SPON1: variants seen among roughly 807,000 people sequenced by gnomAD.
SPON1 encodes spondin 1.
SPON1 carries 52 observed loss-of-function variants against 111.7 expected under a neutral mutation model. The ratio of observed to expected loss-of-function variants is 0.47; its 90% CI spans 0.37 to 0.59. The LOEUF (loss-of-function observed/expected upper bound fraction) is 0.59. Ranked by LOEUF, SPON1 falls within the 20% of genes least tolerant of loss-of-function variation. The pLI, the probability that SPON1 is intolerant of heterozygous loss-of-function variation, is 0.00. For missense variants in SPON1, 957 were observed against 1,068.5 expected, an observed-to-expected ratio of 0.90 and a Z score of 1.46; for synonymous variants, 410 against 395.8, an observed-to-expected ratio of 1.04 and a Z score of -0.43.
chr11:14,023,482 T>C (rs1051830465), intron 2 of SPON1, among the ~76,000 whole-genome samples: 6 of 152,174 alleles, frequency 3.9e-5, no homozygotes, highest in South Asian at 4.1e-4. Flanking sequence ...AAGTTCCCTC[T>C]CTTCGTGCTA....
chr11:14,239,205 T>C (rs556300753), intron 6 of SPON1, among the ~76,000 whole-genome samples: 3 of 152,272 alleles, frequency 2.0e-5, no homozygotes, highest in East Asian at 3.9e-4. Context: ...TGTGCTCCAG[T>C]CTCTGTACTC....
At chr11:14,241,750 T>C (rs1848929350) in intron 6 of SPON1, among the ~76,000 whole-genome samples, 1 of 152,110 alleles carries the variant, frequency 6.6e-6, no homozygotes, top group African/African-American at 2.4e-5. Flanking sequence ...AACTTCTCGG[T>C]CATTCAACAG....
intron 6 of SPON1, among the ~76,000 whole-genome samples, chr11:14,204,693 T>C (rs956730556): frequency 3.1e-4 from 41 of 133,922 alleles, no homozygotes; most frequent in Non-Finnish European, 1.5e-4. Flanking sequence ...CCATTCTTTT[T>C]TGTTTGTTTG....
chr11:14,086,006 G>T (rs1849003256), intron 5 of SPON1, among the ~76,000 whole-genome samples: 1 of 152,166 alleles, frequency 6.6e-6, no homozygotes, highest in Non-Finnish European at 1.5e-5. Flanking sequence ...TTTGTATCCT[G>T]AGACTTTGCT....
At chr11:14,002,326 G>A (rs192515058) in intron 2 of SPON1, among the ~76,000 whole-genome samples, 13 of 152,172 alleles carry the variant, frequency 8.5e-5, no homozygotes, top group Admixed American at 3.3e-4. Context: ...GCACCTAAGG[G>A]GGTGAGGAAC....
intron 1 of SPON1, among the ~76,000 whole-genome samples, chr11:13,970,285 G>A (rs1848052639): frequency 6.6e-6 from 1 of 152,204 alleles, no homozygotes; most frequent in African/African-American, 2.4e-5. Flanking sequence ...TGAGGTCTAT[G>A]TAGAGCAGGC....
At chr11:14,085,797 A>C (rs1554922536) in intron 5 of SPON1, among the ~76,000 whole-genome samples, 1 of 152,026 alleles carries the variant, frequency 6.6e-6, no homozygotes, top group African/African-American at 2.4e-5. Context: ...ATTTTTTTCC[A>C]TTTGTTTGTG....
intron 2 of SPON1, among the ~76,000 whole-genome samples, chr11:13,997,539 G>C (rs532729482): frequency 2.6e-5 from 4 of 152,274 alleles, no homozygotes; most frequent in African/African-American, 9.6e-5. Context: ...CAGCAGCCTA[G>C]GGTGCATTTT....
intron 2 of SPON1, among the ~76,000 whole-genome samples, chr11:14,012,175 C>T (rs1314568460): frequency 6.6e-6 from 1 of 152,112 alleles, no homozygotes; most frequent in Non-Finnish European, 1.5e-5. Context: ...TGCTGGCCAG[C>T]CTTCCAGAGG....
chr11:14,183,337 C>T (rs1489900425), intron 6 of SPON1, among the ~76,000 whole-genome samples: 1 of 152,134 alleles, frequency 6.6e-6, no homozygotes, highest in East Asian at 1.9e-4. Flanking sequence ...TATTTTTCTC[C>T]CTCTTCTGCT....
At chr11:14,220,143 A>G (rs943414427) in intron 6 of SPON1, among the ~76,000 whole-genome samples, 2 of 151,516 alleles carry the variant, frequency 1.3e-5, no homozygotes, top group African/African-American at 2.4e-5. Context: ...CCCCACGCCC[A>G]TAAGTTTACA....
At chr11:14,250,386 G>T (rs1849040306) in intron 7 of SPON1, among the ~76,000 whole-genome samples, 2 of 146,674 alleles carry the variant, frequency 1.4e-5, no homozygotes, top group African/African-American at 2.5e-5. Context: ...TTTCTTGTGT[G>T]GTATATTAAA....
At chr11:14,163,897 C>T (rs1847997591) in intron 6 of SPON1, among the ~76,000 whole-genome samples, 1 of 152,034 alleles carries the variant, frequency 6.6e-6, no homozygotes, top group African/African-American at 2.4e-5. Context: ...CTACTTTGCC[C>T]AGCACAGTTG....
chr11:13,968,039 A>G (rs964245776), intron 1 of SPON1, among the ~76,000 whole-genome samples: 2 of 152,234 alleles, frequency 1.3e-5, no homozygotes, highest in Non-Finnish European at 2.9e-5. Context: ...TTTCAGTTGC[A>G]TCAAGAAGCT....
At position 14,260,705 on chromosome 11, in the gene SPON1, G is replaced by A; in HGVS notation, c.1949G>A (p.Cys650Tyr). The A allele has an allele frequency of 6.2e-7, 1 of 1,613,992 alleles. No individual in the cohort carries two copies. Among genetic ancestry groups the A allele is most frequent in the South Asian group, 1.1e-5 (1 of 91,074 alleles). Residue 650 changes from cysteine to tyrosine, a missense_variant, in exon 14 of 16, where the codon TGC becomes TAC. Transcript: ENST00000576479. ...AAGTCTCTGGCAGAACTTGGAGACT[G>A]CAATGAGGATCTGGAGCAGGTGGAG... ...MLKSLAELGD[C>Y]NEDLEQVEKC...
At chr11:14,107,076 G>A (rs182026992) in intron 5 of SPON1, among the ~76,000 whole-genome samples, 189 of 152,258 alleles carry the variant, frequency 1.2e-3, no homozygotes, top group Non-Finnish European at 2.4e-3. Flanking sequence ...TCCTGCACAT[G>A]GAGCCTCCCA....
intron 6 of SPON1, among the ~76,000 whole-genome samples, chr11:14,211,158 G>C (rs1848571509): frequency 6.6e-6 from 1 of 152,032 alleles, no homozygotes; most frequent in East Asian, 1.9e-4. Flanking sequence ...AGAAATAAAG[G>C]GTATTCAACT....
chr11:14,193,262 A>C (rs1848367078), intron 6 of SPON1, among the ~76,000 whole-genome samples: 1 of 152,174 alleles, frequency 6.6e-6, no homozygotes, highest in African/African-American at 2.4e-5. Context: ...CTAAGATCAG[A>C]ACCAGGAAGT....
intron 6 of SPON1, among the ~76,000 whole-genome samples, chr11:14,167,557 A>G (rs1326028827): frequency 6.6e-6 from 1 of 152,156 alleles, no homozygotes; most frequent in Non-Finnish European, 1.5e-5. Flanking sequence ...ATCGTCTTCA[A>G]AAAAGGAAAC....
Sources: allele counts gnomAD v4.1 joint callset (sites outside exome capture counted in the v4.1 genomes callset), GRCh38; gene constraint gnomAD v4.1.1; transcripts MANE v1.5; gene names NCBI Gene and HGNC (gene_info 2026-07-23, HGNC 2026-07-21).